Variants in RNF123 observed in about 807,000 individuals in gnomAD.
The protein encoded by RNF123 is ring finger protein 123.
RNF123 carries 86 observed loss-of-function variants against 168.5 expected under a neutral mutation model. That is an observed-to-expected ratio of 0.51 (90% confidence interval 0.43 to 0.61). RNF123 has a LOEUF of 0.61. Ranked by LOEUF, RNF123 falls within the 20% of genes least tolerant of loss-of-function variation. RNF123 has a pLI of 0.00. For missense variants in RNF123, 1,419 were observed against 1,729.7 expected (o/e 0.82, Z 3.19); for synonymous variants, 666 against 689.1 (o/e 0.97, Z 0.52).
intron 3 of RNF123, 169 bp from the exon 4 acceptor site, chr3:49,696,974 G>A (rs1056026161): frequency 3.6e-5 from 24 of 666,098 alleles, no homozygotes; most frequent in Non-Finnish European, 6.3e-5. Flanking sequence ...GAGTTTAGTG[G>A]AGAATTCGGC....
In RNF123 at chr3:49,712,558, T is replaced by C. The variant is rs767190765; in HGVS notation, c.2576T>C (p.Phe859Ser). The C allele has an allele frequency of 3.1e-6, 5 of 1,614,158 alleles. No individual in the cohort carries two copies. Residue 859 changes from phenylalanine (F) to serine (S), a missense_variant, in exon 27 of 39, where the codon TTT becomes TCT. By Grantham distance (155) the Phe-to-Ser change is radical. This residue lies in a region of RNF123 where 538 missense variants were observed against 708.8 expected (regional missense o/e 0.76). Transcript: ENST00000327697. Reference protein sequence around the residue: ...IEHGDRTGSLFAFMPEFYLSV... With the variant: ...IEHGDRTGSLSAFMPEFYLSV... ...CACGGTGATCGCACAGGGTCTCTCTTTGCCTTCATGCCCGAGTTCTACCTG... is the reference window on the plus strand; with the variant it reads ...CACGGTGATCGCACAGGGTCTCTCTCTGCCTTCATGCCCGAGTTCTACCTG...
In RNF123 at chr3:49,720,598, A is replaced by G; in HGVS notation, c.3588A>G (p.Pro1196=). The G allele has an allele frequency of 3.1e-6, 5 of 1,611,228 alleles. No individual in the cohort carries two copies. The highest frequency in any genetic ancestry group is 1.1e-5 in the South Asian group (1 of 90,834). The change falls in exon 36 of 39, where the codon CCA becomes CCG. Residue 1196 remains proline (P), a synonymous_variant. Coordinates refer to ENST00000327697, the MANE Select transcript of RNF123 (RefSeq NM_022064.5). ...ICYLLGQPEP[P]APGTALPAPD... ...ATCTCCTGGGACAGCCAGAGCCCCC[A>G]GCACCTGGCACTGCTCTGCCAGCCC...
Position 49,699,160 on chromosome 3 carries a change from G to A in RNF123, c.764+55G>A. On this transcript the variant is annotated intron_variant, in intron 10 of 38. Coordinates refer to ENST00000327697, the MANE Select transcript of RNF123 (RefSeq NM_022064.5). The surrounding 1 kb of genome is among the most constrained non-coding windows in gnomAD (Gnocchi z 4.8). ...GCTCAGAAGCTCTTGGGGAGGCTGG[G>A]ATGAGGGGCTCCCTACCCCAGGGGT... 1 of 1,577,746 alleles carries A rather than the reference G, an allele frequency of 6.3e-7. No homozygotes were observed. The highest frequency in any genetic ancestry group is 8.6e-7 in the Non-Finnish European group (1 of 1,163,550).
chr3:49,705,547 C>G lies in RNF123; in HGVS notation c.2172C>G (p.His724Gln). The G allele has an allele frequency of 6.3e-7, 1 of 1,598,592 alleles. No homozygotes were observed. The highest frequency in any genetic ancestry group is 8.5e-7 in the Non-Finnish European group (1 of 1,172,728). Residue 724 changes from histidine (H) to glutamine (Q), a missense_variant, in exon 24 of 39, where the codon CAC becomes CAG. Physicochemically the swap from His to Gln is conservative, Grantham distance 24. Around this residue, in one of 5 missense-constraint regions of RNF123, gnomAD observed 538 missense variants for 708.8 expected, o/e 0.76. Coordinates refer to ENST00000327697, the MANE Select transcript of RNF123 (RefSeq NM_022064.5). ...CCAACTCCCCAGTTGAAGGCAGCCA[C>G]TGGAATGAGGGCTTGCTGCTGGGGC... ...QRTREDIEGS[H>Q]WNEGLLLGRP...
At chr3:49,715,051 G>A (rs938430771) in intron 31 of RNF123, among the ~76,000 whole-genome samples, 4 of 152,248 alleles carry the variant, frequency 2.6e-5, no homozygotes, top group African/African-American at 7.2e-5. Context: ...CGCCAGGCCC[G>A]TTGCAGCTGA....
intron 26 of RNF123, among the ~76,000 whole-genome samples, chr3:49,711,821 C>T (rs2080149199): frequency 6.6e-6 from 1 of 152,262 alleles, no homozygotes; most frequent in Middle Eastern, 3.4e-3. Flanking sequence ...TTCCACCAGT[C>T]ACACTGCCCC....
intron 9 of RNF123, 40 bp downstream of exon 9, chr3:49,698,862 G>C (rs758241970): frequency 6.2e-7 from 1 of 1,609,378 alleles, no homozygotes; most frequent in South Asian, 1.1e-5. Context: ...GGCCCCTGGG[G>C]CCTCCCCAGA....
rs1350965163 is a variant in RNF123, at chr3:49,712,527, A to G, written c.2545A>G (p.Ile849Val). The G allele has an allele frequency of 1.9e-6, 3 of 1,614,206 alleles. No individual in the cohort carries two copies. The East Asian group carries it at 6.7e-5, about 36-fold the overall frequency. Residue 849 changes from isoleucine to valine, a missense_variant, in exon 27 of 39, where the codon ATT becomes GTT. By Grantham distance (29) the Ile-to-Val change is conservative. Coordinates refer to ENST00000327697, the MANE Select transcript of RNF123 (RefSeq NM_022064.5). ...YWLLRVCLRT[I>V]EHGDRTGSLF... ...GCTGCTGCGCGTCTGCCTGCGGACC[A>G]TTGAGCACGGTGATCGCACAGGGTC...
In RNF123 at chr3:49,701,854, G is replaced by A. The variant is rs535187270; in HGVS notation, c.1439G>A (p.Arg480Gln). 3.0e-5 allele frequency: 47 copies of A among 1,571,184 alleles called. No individual in the cohort carries two copies. The highest frequency in any genetic ancestry group is 3.5e-5 in the Non-Finnish European group (41 of 1,158,836). The change falls in exon 17 of 39, where the codon CGG (arginine) becomes CAG (glutamine). Residue 480 changes from arginine to glutamine, a missense_variant. Physicochemically the swap from Arg to Gln is conservative, Grantham distance 43. This residue lies in a region of RNF123 where 349 missense variants were observed against 344.9 expected (regional missense o/e 1.01). Coordinates refer to ENST00000327697, the MANE Select transcript of RNF123 (RefSeq NM_022064.5). ...ATGAAGGAGGAGACCGCAGAGGAGC[G>A]GCTGCGGCGGCGAGCCTACGAACGG... ...TEMKEETAEE[R>Q]LRRRAYERGC... is the part of the protein sequence containing the mutation.
intron 35 of RNF123, chr3:49,717,989 C>G (rs754537795): frequency 6.8e-6 from 11 of 1,613,484 alleles, no homozygotes; most frequent in East Asian, 2.2e-5. Context: ...ATGGAGCTGG[C>G]GGACTCAGAG....
chr3:49,721,275 C>T lies in RNF123; in HGVS notation c.3915C>T (p.Ala1305=). ...IVSVEDWEKG[A]NTSTTSSAA ...CTGTAGAGGACTGGGAGAAGGGAGC[C>T]AATACGAGTACTACCTCCTCAGCTG... The change falls in exon 39 of 39, where the codon GCC becomes GCT. Residue 1305 remains alanine, a synonymous_variant. Transcript: ENST00000327697. The T allele has an allele frequency of 6.2e-7, 1 of 1,614,174 alleles. No homozygotes were observed. Among genetic ancestry groups the T allele is most frequent in the East Asian group, 2.2e-5 (1 of 44,890 alleles).
rs1271964182 is a variant in RNF123 at position 49,698,507 on chromosome 3, C to T, written c.551C>T (p.Thr184Ile). 6.2e-7 allele frequency: 1 copy of T among 1,613,918 alleles called. No individual in the cohort carries two copies. The highest frequency in any genetic ancestry group is 1.3e-5 in the African/African-American group (1 of 75,030). Reference protein sequence around the residue: ...DGNRVRKWNVTTTNYGKAWAA... With the variant: ...DGNRVRKWNVITTNYGKAWAA... Reference sequence around the variant, plus strand: ...AACCGCGTGCGCAAGTGGAATGTGACCACAACGAATTATGGCAAGGTGAGA... The same window carrying T: ...AACCGCGTGCGCAAGTGGAATGTGATCACAACGAATTATGGCAAGGTGAGA... Residue 184 changes from threonine to isoleucine, a missense_variant, in exon 8 of 39, where the codon ACC (threonine) becomes ATC (isoleucine). By Grantham distance (89) the Thr-to-Ile change is moderately conservative. Around this residue, in one of 5 missense-constraint regions of RNF123, gnomAD observed 318 missense variants for 446.6 expected, o/e 0.71. Coordinates refer to ENST00000327697, the MANE Select transcript of RNF123 (RefSeq NM_022064.5).
intron 22 of RNF123, 71 bp downstream of exon 22, chr3:49,704,827 C>A: frequency 6.9e-7 from 1 of 1,446,234 alleles, no homozygotes. Context: ...GGGGTCTCAT[C>A]CAGGGCCACT....
chr3:49,694,017 G>A (rs2108174681), intron 3 of RNF123, among the ~76,000 whole-genome samples: 1 of 152,022 alleles, frequency 6.6e-6, no homozygotes, highest in Non-Finnish European at 1.5e-5. Context: ...CTTGTCAGAT[G>A]GGTAGTTTAC....
In RNF123 at chr3:49,712,504, T is replaced by G. The variant is rs2080161889; in HGVS notation, c.2522T>G (p.Leu841Arg). ...SQEKMLDIYWLLRVCLRTIEH... is the reference protein window; with the variant it reads ...SQEKMLDIYWRLRVCLRTIEH... ...GAGAAGATGCTGGACATCTACTGGC[T>G]GCTGCGCGTCTGCCTGCGGACCATT... is the stretch of plus-strand genomic sequence containing the variant. The change falls in exon 27 of 39, where the codon CTG becomes CGG. Residue 841 changes from leucine to arginine, a missense_variant. Around this residue, in one of 5 missense-constraint regions of RNF123, gnomAD observed 538 missense variants for 708.8 expected, o/e 0.76. Transcript: ENST00000327697. 6.2e-7 allele frequency: 1 copy of G among 1,614,176 alleles called. No homozygotes were observed. The highest frequency in any genetic ancestry group is 1.3e-5 in the African/African-American group (1 of 75,072).
At chr3:49,701,130 C>T (rs751328482) in intron 15 of RNF123, among the ~76,000 whole-genome samples, 1 of 152,220 alleles carries the variant, frequency 6.6e-6, no homozygotes, top group Non-Finnish European at 1.5e-5. Context: ...AGCTTGTAGC[C>T]GTTTTCTTGG....
At chr3:49,718,726 C>A (rs762516418) in intron 35 of RNF123, 1 of 1,612,940 alleles carries the variant, frequency 6.2e-7, no homozygotes, top group South Asian at 1.1e-5. Flanking sequence ...TACGTACTCG[C>A]GCGCAAAGTC....
intron 26 of RNF123, among the ~76,000 whole-genome samples, chr3:49,711,943 C>A (rs1346813648): frequency 6.6e-6 from 1 of 152,172 alleles, no homozygotes; most frequent in African/African-American, 2.4e-5. Flanking sequence ...CTTTTCCACA[C>A]AGACTTCCAG....
At chr3:49,703,578 C>T in intron 21 of RNF123, 50 bp downstream of exon 21, 1 of 1,489,124 alleles carries the variant, frequency 6.7e-7, no homozygotes, top group Non-Finnish European at 9.3e-7. Context: ...AGGTGGGGGA[C>T]TGTCCCTGAG....
Sources: allele counts gnomAD v4.1 joint callset (sites outside exome capture counted in the v4.1 genomes callset), GRCh38; gene constraint gnomAD v4.1.1; regional missense constraint gnomAD v4.1.1; non-coding constraint Gnocchi (gnomAD v3.1); transcripts MANE v1.5; gene names NCBI Gene and HGNC (gene_info 2026-07-23, HGNC 2026-07-21).